Variants in TNMD observed in about 807,000 individuals in gnomAD.
TNMD encodes the protein BRICHOS domain containing 4.
In TNMD, 15 loss-of-function variants were observed where a neutral mutation model predicts 26.9. The observed-to-expected ratio is 0.56, with a 90% confidence interval of 0.37 to 0.86. The LOEUF (loss-of-function observed/expected upper bound fraction) is 0.86, where lower values mean the gene tolerates loss of function less well. Among genes scored for constraint, TNMD ranks in the 40% least tolerant of loss-of-function variants. The pLI is 0.00. For missense variants in TNMD, 222 were observed against 242.6 expected, an observed-to-expected ratio of 0.92 and a Z score of 0.56; for synonymous variants, 73 against 77.0, an observed-to-expected ratio of 0.95 and a Z score of 0.27.
intron 2 of TNMD, among the ~76,000 whole-genome samples, chrX:100,590,879 CAAAGTAAT>C (rs1375200494): frequency 8.9e-6 from 1 of 111,987 alleles, no homozygotes; most frequent in African/African-American, 3.3e-5. Flanking sequence ...AAAGTAATGG[CAAAGTAAT>C]AAAGTAATAA....
chrX:100,595,903 G>A (rs1211921468), intron 4 of TNMD, among the ~76,000 whole-genome samples: 1 of 111,891 alleles, frequency 8.9e-6, no homozygotes, highest in Non-Finnish European at 1.9e-5. Context: ...AAAATCAATA[G>A]GATTAAAAAG....
At chrX:100,585,486 G>A in intron 2 of TNMD, 124 bp downstream of exon 2, 1 of 826,028 alleles carries the variant, frequency 1.2e-6, no homozygotes, top group South Asian at 3.7e-5. Flanking sequence ...TTTTCTGGTG[G>A]TATGAAAAAC....
chrX:100,595,113 G>A (rs2082949002), intron 4 of TNMD, among the ~76,000 whole-genome samples: 1 of 111,641 alleles, frequency 9.0e-6, no homozygotes, highest in African/African-American at 3.3e-5. Flanking sequence ...ATTACAGTAT[G>A]GTTTTATTAG....
intron 4 of TNMD, among the ~76,000 whole-genome samples, chrX:100,595,558 C>T (rs1285029215): frequency 9.0e-6 from 1 of 110,500 alleles, no homozygotes; most frequent in African/African-American, 3.3e-5. Flanking sequence ...TTTTCCTTTA[C>T]CTTTTTCTTT....
intron 1 of TNMD, 50 bp from the exon 2 acceptor site, chrX:100,585,181 C>G (rs1540914): frequency 8.4e-7 from 1 of 1,187,788 alleles, no homozygotes; most frequent in Non-Finnish European, 1.1e-6. Flanking sequence ...TTATGGCTTG[C>G]TTATTGAGAT....
intron 2 of TNMD, among the ~76,000 whole-genome samples, chrX:100,591,486 C>G (rs923255706): frequency 5.4e-5 from 6 of 111,956 alleles, no homozygotes; most frequent in African/African-American, 1.9e-4. Context: ...TAGCCATTAC[C>G]CAAGCAATGT....
At chrX:100,585,608 A>T (rs1216498338) in intron 2 of TNMD, among the ~76,000 whole-genome samples, 2 of 111,702 alleles carry the variant, frequency 1.8e-5, no homozygotes, top group Non-Finnish European at 3.8e-5. Flanking sequence ...CCATTCTTCT[A>T]TAATGCTTAT....
chrX:100,599,771 G>C lies in TNMD; in HGVS notation c.*54G>C. 2 of 1,093,944 alleles carry C rather than the reference G, an allele frequency of 1.8e-6. No individual in the cohort carries two copies. Among genetic ancestry groups the C allele is most frequent in the Non-Finnish European group, 2.5e-6 (2 of 799,960 alleles). 90.2% of individuals were successfully genotyped at this position (1,093,944 alleles called of 1,213,427 possible). A position where few individuals can be genotyped will look rare whatever the true frequency, so the allele number is the denominator to read the frequency against. On this transcript the variant is annotated 3_prime_UTR_variant, in exon 7 of 7. Transcript: ENST00000373031. ...TGCTGGCAACATATAATAAATGCAT[G>C]CTATTCAATGAATTTCTGCCTATGA...
intron 6 of TNMD, 144 bp downstream of exon 6, chrX:100,599,326 C>T (rs1433876154): frequency 1.5e-6 from 1 of 666,723 alleles, no homozygotes; most frequent in African/African-American, 2.3e-5. Flanking sequence ...CTTGGAATCT[C>T]CAGGAGGCTC....
intron 5 of TNMD, 50 bp downstream of exon 5, chrX:100,597,707 G>C (rs776583016): frequency 9.0e-7 from 1 of 1,110,688 alleles, no homozygotes; most frequent in South Asian, 1.9e-5. Context: ...GACAGTAACA[G>C]GTTAATGTTC....
intron 4 of TNMD, among the ~76,000 whole-genome samples, chrX:100,596,606 C>T (rs2082953664): frequency 9.0e-6 from 1 of 111,094 alleles, no homozygotes; most frequent in African/African-American, 3.3e-5. Context: ...TTTAAACATG[C>T]AGAGCAGGTA....
In TNMD at chrX:100,585,048, A is replaced by G; in HGVS notation, c.30A>G (p.Glu10=). 1 of 1,210,092 alleles carries G rather than the reference A, an allele frequency of 8.3e-7. No individual in the cohort carries two copies. Among genetic ancestry groups the G allele is most frequent in the Non-Finnish European group, 1.1e-6 (1 of 894,297 alleles). ...CAAAGAATCCTCCAGAGAATTGTGAAGACTGTCACATTCTAAATGTAAGTT... is the reference window on the plus strand; with the variant it reads ...CAAAGAATCCTCCAGAGAATTGTGAGGACTGTCACATTCTAAATGTAAGTT... MAKNPPENC[E]DCHILNAEAF... is the part of the protein sequence containing the mutation. The change falls in exon 1 of 7, where the codon GAA becomes GAG. Residue 10 remains glutamate (E), a synonymous_variant. Transcript: ENST00000373031.
chrX:100,595,477 T>C (rs2147609259), intron 4 of TNMD, among the ~76,000 whole-genome samples: 1 of 110,728 alleles, frequency 9.0e-6, no homozygotes. Flanking sequence ...CTTTCTTCTC[T>C]CTCTCCCTGT....
chrX:100,595,063 C>T (rs1378515563), intron 4 of TNMD, among the ~76,000 whole-genome samples: 1 of 111,697 alleles, frequency 9.0e-6, no homozygotes, highest in Non-Finnish European at 1.9e-5. Flanking sequence ...ATCTGTAAGG[C>T]CCTTGAGGCT....
intron 2 of TNMD, 30 bp from the exon 3 acceptor site, chrX:100,593,865 C>A: frequency 8.3e-7 from 1 of 1,204,435 alleles, no homozygotes; most frequent in Non-Finnish European, 1.1e-6. Context: ...CACTGAGTAT[C>A]TTAGAGATTG....
chrX:100,595,325 C>T (rs1017575826), intron 4 of TNMD, among the ~76,000 whole-genome samples: 1 of 110,767 alleles, frequency 9.0e-6, no homozygotes, highest in Non-Finnish European at 1.9e-5. Flanking sequence ...TCACCATAGC[C>T]AGGATGGTCT....
rs1034694292 is a variant in TNMD, at chrX:100,597,762, T to G, written c.577+105T>G. The G allele has an allele frequency of 5.6e-6, 5 of 887,185 alleles. No homozygotes were observed. The African/African-American group carries it at 9.9e-5, about 18-fold the overall frequency. The allele number at this position is 887,185 out of a possible 1,213,427, so 73.1% of individuals were successfully genotyped here. A position where few individuals can be genotyped will look rare whatever the true frequency, so the allele number is the denominator to read the frequency against. ...TTTCTAGGAAAACAAATGATCGGTT[T>G]ATATCTTCTTGGATGAGTCTATATA... On this transcript the variant is annotated intron_variant, in intron 5 of 6. Transcript: ENST00000373031.
At chrX:100,589,198 C>T (rs925617704) in intron 2 of TNMD, among the ~76,000 whole-genome samples, 5 of 110,760 alleles carry the variant, frequency 4.5e-5, no homozygotes, top group African/African-American at 1.6e-4. Flanking sequence ...AGGAAGACAA[C>T]TTTTTTCTCC....
Position 100,594,428 on chromosome X carries a change from C to T in TNMD, c.423+66C>T, listed in dbSNP as rs906628076. 5 of 648,145 alleles carry T rather than the reference C, an allele frequency of 7.7e-6. No homozygotes were observed. The African/African-American group carries it at 1.1e-4, about 14-fold the overall frequency. 53.4% of individuals were successfully genotyped at this position (648,145 alleles called of 1,213,427 possible). ...TATTGGATGCTAGCTATGTGCCAAACATTGTACTAAATGCTTTACTTTTCT... is the reference window on the plus strand; with the variant it reads ...TATTGGATGCTAGCTATGTGCCAAATATTGTACTAAATGCTTTACTTTTCT... On this transcript the variant is annotated intron_variant, in intron 4 of 6. Transcript: ENST00000373031.
Sources: allele counts gnomAD v4.1 joint callset (sites outside exome capture counted in the v4.1 genomes callset), GRCh38; gene constraint gnomAD v4.1.1; transcripts MANE v1.5; gene names NCBI Gene and HGNC (gene_info 2026-07-23, HGNC 2026-07-21).